The following IMMP2L variants were observed in gnomAD, a reference collection of about 807,000 sequenced individuals.
IMMP2L encodes the protein mitochondrial inner membrane protease subunit 2.
IMMP2L carries 18 observed loss-of-function variants against 19.3 expected under a neutral mutation model. That is an observed-to-expected ratio of 0.93 (90% confidence interval 0.64 to 1.38). The LOEUF (loss-of-function observed/expected upper bound fraction) is 1.38. Ranked by LOEUF, IMMP2L falls within the 40% of genes most tolerant of loss-of-function variation. The probability of loss-of-function intolerance (pLI) is 0.00; values close to 1 mark genes in which losing one functional copy is unlikely to be tolerated. For missense variants in IMMP2L, 233 were observed against 218.2 expected, an observed-to-expected ratio of 1.07 and a Z score of -0.43; for synonymous variants, 76 against 73.0, an observed-to-expected ratio of 1.04 and a Z score of -0.21.
chr7:111,522,090 T>C (rs1846384825), intron 1 of IMMP2L, among the ~76,000 whole-genome samples: 1 of 152,026 alleles, frequency 6.6e-6, no homozygotes, highest in East Asian at 1.9e-4. Context: ...CGATCCTAGG[T>C]CCGCAACACC....
intron 3 of IMMP2L, among the ~76,000 whole-genome samples, chr7:111,202,099 A>G (rs1296236642): frequency 6.6e-6 from 1 of 152,200 alleles, no homozygotes; most frequent in African/African-American, 2.4e-5. Flanking sequence ...ACAGGTTCCT[A>G]GTGTTGTAAT....
chr7:110,787,279 G>A (rs938182680), intron 5 of IMMP2L, among the ~76,000 whole-genome samples: 4 of 151,982 alleles, frequency 2.6e-5, no homozygotes, highest in African/African-American at 7.2e-5. Flanking sequence ...TAGGTAAGAT[G>A]AGTTAGTGTA....
intron 3 of IMMP2L, among the ~76,000 whole-genome samples, chr7:110,980,593 GT>G (rs1279527709): frequency 6.6e-6 from 1 of 152,102 alleles, no homozygotes; most frequent in African/African-American, 2.4e-5. Flanking sequence ...TGTACATGAT[GT>G]GGATTCAGTG....
intron 3 of IMMP2L, among the ~76,000 whole-genome samples, chr7:111,063,535 A>T (rs933714491): frequency 1.3e-5 from 2 of 152,182 alleles, no homozygotes; most frequent in East Asian, 3.8e-4. Flanking sequence ...TCTCCTCAGA[A>T]AATGGGATTT....
chr7:111,240,865 T>G (rs1003586792), intron 3 of IMMP2L, among the ~76,000 whole-genome samples: 16 of 151,962 alleles, frequency 1.1e-4, no homozygotes, highest in African/African-American at 3.6e-4. Context: ...TTAATGTGAT[T>G]TTTTTAACAT....
rs181267487 is a variant in IMMP2L at position 110,746,657 on chromosome 7, G to A, written c.409-82936C>T. Among the ~76,000 whole-genome samples, 379 of 152,218 alleles carry A rather than the reference G, an allele frequency of 2.5e-3. 2 individuals carry two copies. The highest frequency in any genetic ancestry group is 8.5e-3 in the African/African-American group (353 of 41,522). On this transcript the variant is annotated intron_variant, in intron 5 of 5. Coordinates refer to ENST00000405709, the MANE Select transcript of IMMP2L (RefSeq NM_032549.4). The stretch of plus-strand genomic sequence containing the variant: ...CAACCTGCTCCTGAATGACTACTGG[G>A]TACATAACAAAATGAAGGCAGAAAT...
chr7:110,811,870 C>A (rs902105697), intron 5 of IMMP2L, among the ~76,000 whole-genome samples: 3 of 151,954 alleles, frequency 2.0e-5, no homozygotes, highest in African/African-American at 7.2e-5. Context: ...AAGAGGGGCC[C>A]ACCTAATAAG....
At chr7:111,472,443 T>C (rs1031591424) in intron 3 of IMMP2L, among the ~76,000 whole-genome samples, 3 of 152,150 alleles carry the variant, frequency 2.0e-5, no homozygotes, top group Non-Finnish European at 2.9e-5. Context: ...TATGATGATA[T>C]ACTGTATTTC....
At chr7:111,202,431 C>T (rs1263198476) in intron 3 of IMMP2L, among the ~76,000 whole-genome samples, 2 of 152,128 alleles carry the variant, frequency 1.3e-5, no homozygotes, top group African/African-American at 4.8e-5. Context: ...GAAGTGTCTT[C>T]TTTCTCCCAT....
At position 110,798,531 on chromosome 7, in the gene IMMP2L, C is replaced by T. The variant is rs531579056; in HGVS notation, c.408+88062G>A. ...AATAAACAAATGAAGGAGAGAATCT[C>T]TAACTTTTGGCATTCATATTAGTAA... is the stretch of plus-strand genomic sequence containing the variant. On this transcript the variant is annotated intron_variant, in intron 5 of 5. Transcript: ENST00000405709. Among the ~76,000 whole-genome samples the T allele has an allele frequency of 2.6e-5, 4 of 152,100 alleles. No individual in the cohort carries two copies. In the South Asian group the frequency reaches 8.3e-4, roughly 32 times the overall value.
At chr7:111,407,279 A>G (rs1372576728) in intron 3 of IMMP2L, among the ~76,000 whole-genome samples, 1 of 152,052 alleles carries the variant, frequency 6.6e-6, no homozygotes, top group African/African-American at 2.4e-5. Flanking sequence ...ACATAAATAT[A>G]TCACACAACT....
At chr7:111,334,557 TA>T (rs1436447272) in intron 3 of IMMP2L, among the ~76,000 whole-genome samples, 1 of 152,036 alleles carries the variant, frequency 6.6e-6, no homozygotes, top group Non-Finnish European at 1.5e-5. Context: ...ATTTTAAAAA[TA>T]AAAAAGAATT....
intron 3 of IMMP2L, among the ~76,000 whole-genome samples, chr7:111,087,358 A>G (rs1796434925): frequency 6.6e-6 from 1 of 151,468 alleles, no homozygotes; most frequent in Non-Finnish European, 1.5e-5. Flanking sequence ...CTGAGGCAGG[A>G]GAATCACTTG....
At chr7:111,511,464 G>GT (rs1845433965) in intron 2 of IMMP2L, among the ~76,000 whole-genome samples, 2 of 151,952 alleles carry the variant, frequency 1.3e-5, no homozygotes, top group African/African-American at 4.8e-5. Context: ...GGGCAACATG[G>GT]TGAAACCCCA....
rs1312347465 is a variant in IMMP2L at position 111,272,582 on chromosome 7, C to CA, written c.239+214655dup. Among the ~76,000 whole-genome samples, 16 of 152,126 alleles carry CA rather than the reference C, an allele frequency of 1.1e-4. 1 individual carries two copies. The highest frequency in any genetic ancestry group is 2.9e-4 in the African/African-American group (12 of 41,434). On this transcript the variant is annotated intron_variant, in intron 3 of 5. Transcript: ENST00000405709. ...AGTGCTTCACACATAGTAAGTGTCC[C>CA]AAACTAGGCACTGATTGGCTGATAC...
At chr7:110,952,892 T>G (rs1324052324) in intron 4 of IMMP2L, among the ~76,000 whole-genome samples, 1 of 152,132 alleles carries the variant, frequency 6.6e-6, no homozygotes, top group African/African-American at 2.4e-5. Context: ...TTCCCTTACT[T>G]TTCTGTACAT....
At chr7:111,392,165 G>T in intron 3 of IMMP2L, 1 of 600,182 alleles carries the variant, frequency 1.7e-6, no homozygotes, top group Non-Finnish European at 3.0e-6. Context: ...AAGTCACATG[G>T]GCAATCACAT....
At chr7:111,338,871 C>T (rs764119272) in intron 3 of IMMP2L, among the ~76,000 whole-genome samples, 10 of 152,070 alleles carry the variant, frequency 6.6e-5, no homozygotes, top group Non-Finnish European at 1.5e-4. Flanking sequence ...TTGCAGTTGG[C>T]AACAAGCTTC....
intron 2 of IMMP2L, among the ~76,000 whole-genome samples, chr7:111,499,340 C>G (rs972065752): frequency 6.6e-6 from 1 of 152,158 alleles, no homozygotes; most frequent in African/African-American, 2.4e-5. Context: ...TCTACCAAAA[C>G]TCTGCCCTCT....
Sources: gnomAD v4.1 joint callset for allele counts (sites outside exome capture counted in the v4.1 genomes callset) on GRCh38, gnomAD v4.1.1 for gene constraint, MANE v1.5 for transcripts, NCBI Gene and HGNC (gene_info 2026-07-23, HGNC 2026-07-21) for gene names.